Variants in TSGA10 observed in about 807,000 individuals in gnomAD.
The protein encoded by TSGA10 is testis-specific gene 10 protein.
TSGA10 carries 43 observed loss-of-function variants against 96.6 expected under a neutral mutation model. The ratio of observed to expected loss-of-function variants is 0.44; its 90% CI spans 0.35 to 0.57. The LOEUF (loss-of-function observed/expected upper bound fraction) is 0.57. Among genes scored for constraint, TSGA10 ranks in the 20% least tolerant of loss-of-function variants. The pLI is 0.01. For synonymous variants in TSGA10, 229 were observed against 269.9 expected (o/e 0.85, Z 1.48); for missense variants, 703 against 834.4 (o/e 0.84, Z 1.94).
At chr2:99,118,472 T>TTAA in intron 3 of TSGA10, 79 bp downstream of exon 3, 1 of 437,370 alleles carries the variant, frequency 2.3e-6, no homozygotes, top group Non-Finnish European at 3.0e-6. Context: ...AAAAAAAGTA[T>TTAA]ATATACATAT....
At chr2:99,114,769 C>T (rs2092109945) in intron 4 of TSGA10, among the ~76,000 whole-genome samples, 1 of 152,086 alleles carries the variant, frequency 6.6e-6, no homozygotes, top group Non-Finnish European at 1.5e-5. Flanking sequence ...CTCTCTAGAA[C>T]ATAAACCCTA....
intron 1 of TSGA10, chr2:99,147,631 TAG>T (rs1195242153): frequency 4.0e-6 from 3 of 758,358 alleles, no homozygotes; most frequent in East Asian, 2.6e-5. Flanking sequence ...TGCCATGTTT[TAG>T]AGTTTTGTGT....
chr2:99,012,502 C>T (rs181952687), intron 20 of TSGA10, among the ~76,000 whole-genome samples: 38 of 151,608 alleles, frequency 2.5e-4, no homozygotes, highest in African/African-American at 9.0e-4. Flanking sequence ...ATATTCCACG[C>T]AAATGGAAAG....
intron 16 of TSGA10, among the ~76,000 whole-genome samples, chr2:99,037,418 C>CA (rs948729864): frequency 9.2e-5 from 14 of 151,574 alleles, no homozygotes; most frequent in South Asian, 2.1e-4. Context: ...GAAGAAATCA[C>CA]AAAAAAAATT....
At chr2:99,095,554 T>C (rs1029918064) in intron 10 of TSGA10, among the ~76,000 whole-genome samples, 4 of 152,172 alleles carry the variant, frequency 2.6e-5, no homozygotes, top group African/African-American at 9.7e-5. Flanking sequence ...AAAAAGTATA[T>C]ACTTTAGTGA....
rs560708110 is a variant in TSGA10, at chr2:99,032,463, G to A, written c.1614+2767C>T. On this transcript the variant is annotated intron_variant, in intron 17 of 20. Transcript: ENST00000393483. ...CTACTTTGTATAATATGTAGTGACC[G>A]GCTATCCAGTGAAACCATGAAACCT... Among the ~76,000 whole-genome samples, 51 of 152,248 alleles carry A rather than the reference G, an allele frequency of 3.3e-4. No homozygotes were observed. The East Asian group carries it at 6.4e-3, about 19-fold the overall frequency.
At chr2:99,079,835 C>G (rs2087214283) in intron 11 of TSGA10, among the ~76,000 whole-genome samples, 1 of 152,130 alleles carries the variant, frequency 6.6e-6, no homozygotes, top group East Asian at 1.9e-4. Flanking sequence ...TGAGGGCCAT[C>G]CAGGAGCAGT....
chr2:99,002,236 A>G (rs2077992702), intron 20 of TSGA10, among the ~76,000 whole-genome samples: 1 of 152,204 alleles, frequency 6.6e-6, no homozygotes, highest in Non-Finnish European at 1.5e-5. Flanking sequence ...AGCCAGAAAG[A>G]AAGGTCCGGT....
chr2:99,136,519 C>CAAAAGAACTAT (rs1280297152), intron 1 of TSGA10, among the ~76,000 whole-genome samples: 21 of 99,078 alleles, frequency 2.1e-4, no homozygotes, highest in South Asian at 3.5e-4. Flanking sequence ...GTATTTCTGC[C>CAAAAGAACTAT]GGGCGCGGTG....
rs527326657 is a variant in TSGA10 at position 99,122,066 on chromosome 2, G to A, written c.-491-3380C>T. ...GCATCTGCATCTCTGTCAAAAAATC[G>A]TTTGGCTGTACTTGTATAGGACTAT... On this transcript the variant is annotated intron_variant, in intron 2 of 20. Coordinates refer to ENST00000393483, the MANE Select transcript of TSGA10 (RefSeq NM_025244.4). Among the ~76,000 whole-genome samples the A allele has an allele frequency of 3.5e-4, 54 of 152,214 alleles. No homozygotes were observed. The South Asian group carries it at 0.01, about 29-fold the overall frequency.
chr2:99,064,496 C>T (rs1245504816), intron 16 of TSGA10, among the ~76,000 whole-genome samples: 2 of 152,022 alleles, frequency 1.3e-5, no homozygotes, highest in African/African-American at 2.4e-5. Flanking sequence ...AAAGTATAAA[C>T]ATATGCAAAG....
rs568007726 is a variant in TSGA10 at position 99,018,012 on chromosome 2, C to T, written c.2072+188G>A. Reference sequence around the variant, plus strand: ...AACAGATAAAATATTAGACCTTTCACTTTAGTATAATATATATAATTCTAA... The same window carrying T: ...AACAGATAAAATATTAGACCTTTCATTTTAGTATAATATATATAATTCTAA... On this transcript the variant is annotated intron_variant, in intron 20 of 20. Coordinates refer to ENST00000393483, the MANE Select transcript of TSGA10 (RefSeq NM_025244.4). Among the ~76,000 whole-genome samples, 14 of 152,128 alleles carry T rather than the reference C, an allele frequency of 9.2e-5. No individual in the cohort carries two copies. The South Asian group carries it at 1.0e-3, about 11-fold the overall frequency.
In TSGA10 at chr2:99,073,027, T is replaced by G; in HGVS notation, c.929A>C (p.Gln310Pro). The G allele has an allele frequency of 6.2e-7, 1 of 1,609,068 alleles. No individual in the cohort carries two copies. The highest frequency in any genetic ancestry group is 8.5e-7 in the Non-Finnish European group (1 of 1,176,554). ...GMKNIIAEMEQASRQCTEALI... is the reference protein window; with the variant it reads ...GMKNIIAEMEPASRQCTEALI... Reference sequence around the variant, plus strand: ...TGCACGACTGATTTACCTTGATGCCTGTTCCATCTCAGCAATGATATTCTT... The same window carrying G: ...TGCACGACTGATTTACCTTGATGCCGGTTCCATCTCAGCAATGATATTCTT... The change falls in exon 13 of 21, where the codon CAG becomes CCG. Residue 310 changes from glutamine to proline, a missense_variant. Around this residue, in one of 3 missense-constraint regions of TSGA10, gnomAD observed 585 missense variants for 656.8 expected, o/e 0.89. Transcript: ENST00000393483.
At chr2:99,006,304 A>G (rs1177584556) in intron 20 of TSGA10, among the ~76,000 whole-genome samples, 1 of 152,184 alleles carries the variant, frequency 6.6e-6, no homozygotes, top group African/African-American at 2.4e-5. Context: ...GGATCTAATT[A>G]AACTAAAGAG....
intron 2 of TSGA10, chr2:99,125,802 C>T (rs1378474439): frequency 6.6e-6 from 1 of 152,204 alleles, no homozygotes; most frequent in Non-Finnish European, 1.5e-5. Context: ...TCAGGCTCCC[C>T]ACTAGGCCTC....
chr2:99,109,073 C>T (rs2091598502), intron 6 of TSGA10, 82 bp from the exon 7 acceptor site: 2 of 1,047,384 alleles, frequency 1.9e-6, no homozygotes, highest in Admixed American at 6.1e-5. Flanking sequence ...TGCCCAATTT[C>T]TATTTAAGAA....
intron 15 of TSGA10, among the ~76,000 whole-genome samples, chr2:99,065,484 T>C (rs1480688218): frequency 6.6e-6 from 1 of 152,214 alleles, no homozygotes; most frequent in Non-Finnish European, 1.5e-5. Flanking sequence ...CTGGTCTGGA[T>C]TCTGAGCCTC....
At chr2:99,100,806 C>A (rs569005328) in intron 10 of TSGA10, among the ~76,000 whole-genome samples, 53 of 111,406 alleles carry the variant, frequency 4.8e-4, no homozygotes, top group Admixed American at 2.4e-3. Flanking sequence ...GGCAACAGAG[C>A]GAGACTCCGT....
At chr2:99,132,571 T>C (rs568307035) in intron 1 of TSGA10, among the ~76,000 whole-genome samples, 60 of 152,326 alleles carry the variant, frequency 3.9e-4, no homozygotes, top group African/African-American at 1.1e-3. Flanking sequence ...CCTGGATTCA[T>C]TGATTTTTTG....
Sources: gnomAD v4.1 joint callset for allele counts (sites outside exome capture counted in the v4.1 genomes callset) on GRCh38, gnomAD v4.1.1 for gene constraint, gnomAD v4.1.1 regional missense constraint, MANE v1.5 for transcripts, NCBI Gene and HGNC (gene_info 2026-07-23, HGNC 2026-07-21) for gene names.